The following TLE1 variants were observed in gnomAD, a reference collection of about 807,000 sequenced individuals.
The protein encoded by TLE1 is transducin-like enhancer protein 1.
TLE1 carries 21 observed loss-of-function variants against 89.8 expected under a neutral mutation model. The observed-to-expected ratio is 0.23, with a 90% CI of 0.17 to 0.34. TLE1 has a LOEUF of 0.34. Ranked by LOEUF, TLE1 falls within the 10% of genes least tolerant of loss-of-function variation. TLE1 has a pLI of 1.00. For missense variants in TLE1, 795 were observed against 1,031.2 expected, an observed-to-expected ratio of 0.77 and a Z score of 3.14; for synonymous variants, 447 against 407.6, an observed-to-expected ratio of 1.10 and a Z score of -1.16.
intron 8 of TLE1, among the ~76,000 whole-genome samples, chr9:81,630,150 G>C (rs145897600): frequency 2.9e-4 from 44 of 151,542 alleles, no homozygotes; most frequent in African/African-American, 1.0e-3. Flanking sequence ...AAAAAAAACA[G>C]TAAGGAGTTC....
intron 8 of TLE1, chr9:81,620,955 TG>T (rs1563981886): frequency 2.0e-6 from 1 of 508,190 alleles, no homozygotes; most frequent in Middle Eastern, 3.2e-4. Context: ...ATTCTTTAAC[TG>T]TAAGAGTCAA....
intron 4 of TLE1, among the ~76,000 whole-genome samples, chr9:81,680,933 AAAAAAAAAC>A (rs1199060415): frequency 6.6e-5 from 10 of 150,862 alleles, no homozygotes; most frequent in African/African-American, 1.9e-4. Context: ...CAGGGTTAAA[AAAAAAAAAC>A]AAAAAAAACA....
At chr9:81,663,989 A>G (rs1831152295) in intron 4 of TLE1, among the ~76,000 whole-genome samples, 1 of 152,130 alleles carries the variant, frequency 6.6e-6, no homozygotes, top group African/African-American at 2.4e-5. Context: ...AGTTGCAGCC[A>G]AACTCCACTT....
chr9:81,590,619 A>G (rs1483085671), intron 16 of TLE1, among the ~76,000 whole-genome samples, 186 bp downstream of exon 16: 1 of 152,256 alleles, frequency 6.6e-6, no homozygotes, highest in East Asian at 1.9e-4. Context: ...CACCAGGCAT[A>G]GTAATAAGAC....
chr9:81,674,035 G>A (rs1397399849), intron 4 of TLE1, among the ~76,000 whole-genome samples: 1 of 151,946 alleles, frequency 6.6e-6, no homozygotes, highest in Non-Finnish European at 1.5e-5. Flanking sequence ...CTAATCCATA[G>A]AGGCCTTTCA....
At chr9:81,600,002 T>C (rs1336525656) in intron 14 of TLE1, 1 of 648,092 alleles carries the variant, frequency 1.5e-6, no homozygotes, top group Non-Finnish European at 2.9e-6. Context: ...AGTTGATAAA[T>C]GAGGAAGTAT....
chr9:81,627,993 A>C (rs1293817977), intron 8 of TLE1, among the ~76,000 whole-genome samples: 3 of 152,208 alleles, frequency 2.0e-5, no homozygotes. Flanking sequence ...CCAAGGTGGG[A>C]GAATCACTTG....
At chr9:81,632,920 A>G (rs1175915536) in intron 8 of TLE1, among the ~76,000 whole-genome samples, 3 of 152,222 alleles carry the variant, frequency 2.0e-5, no homozygotes, top group South Asian at 4.1e-4. Context: ...TTACTAACCA[A>G]CTTCACAAAG....
At chr9:81,638,214 T>C (rs2132424138) in intron 6 of TLE1, among the ~76,000 whole-genome samples, 1 of 152,324 alleles carries the variant, frequency 6.6e-6, no homozygotes, top group South Asian at 2.1e-4. Flanking sequence ...CCCTTCTCAA[T>C]GCCTGTCCTA....
chr9:81,587,667 A>T lies in TLE1; in HGVS notation c.1977+14T>A. 3 of 1,604,860 alleles carry T rather than the reference A, an allele frequency of 1.9e-6. No homozygotes were observed. The African/African-American group carries it at 4.0e-5, about 21-fold the overall frequency. ...CCTCCCAGACTCCAGGGCAGGCGGA[A>T]GCCACTCAGTCACCTGGGAGGTGAA... On this transcript the variant is annotated intron_variant, in intron 17 of 19. Transcript: ENST00000376499.
intron 8 of TLE1, among the ~76,000 whole-genome samples, chr9:81,629,225 CTTT>C (rs1588035298): frequency 1.3e-5 from 2 of 152,212 alleles, no homozygotes; most frequent in Admixed American, 6.5e-5. Flanking sequence ...AACCATACAA[CTTT>C]TTGTCAATTA....
At chr9:81,647,299 C>T (rs1465778736) in intron 6 of TLE1, among the ~76,000 whole-genome samples, 1 of 152,204 alleles carries the variant, frequency 6.6e-6, no homozygotes. Context: ...ACACTATCTG[C>T]CTTATTCTTT....
At chr9:81,612,894 C>A (rs1823898045) in intron 12 of TLE1, among the ~76,000 whole-genome samples, 1 of 152,182 alleles carries the variant, frequency 6.6e-6, no homozygotes, top group Non-Finnish European at 1.5e-5. Flanking sequence ...CCCGTCTCTA[C>A]TAAAAATACA....
At chr9:81,617,696 T>C (rs934431928) in intron 9 of TLE1, among the ~76,000 whole-genome samples, 14 of 151,372 alleles carry the variant, frequency 9.2e-5, no homozygotes, top group Non-Finnish European at 2.9e-5. Context: ...AGCAAGACTC[T>C]GTCACAAAAA....
chr9:81,588,478 G>A (rs949075444), intron 16 of TLE1, among the ~76,000 whole-genome samples: 1 of 152,150 alleles, frequency 6.6e-6, no homozygotes, highest in Non-Finnish European at 1.5e-5. Context: ...GAGGCATTGG[G>A]CAGAGACACA....
At chr9:81,680,588 C>A (rs1452375914) in intron 4 of TLE1, among the ~76,000 whole-genome samples, 4 of 152,146 alleles carry the variant, frequency 2.6e-5, no homozygotes, top group Non-Finnish European at 4.4e-5. Context: ...CAGCCACTGG[C>A]CCACTGCTGA....
chr9:81,596,855 C>T (rs1432209749), intron 14 of TLE1, among the ~76,000 whole-genome samples: 1 of 152,160 alleles, frequency 6.6e-6, no homozygotes, highest in African/African-American at 2.4e-5. Context: ...CAGGTGGCTG[C>T]CTTTGGTGAA....
intron 14 of TLE1, among the ~76,000 whole-genome samples, chr9:81,595,396 G>GA (rs1335892916): frequency 1.3e-5 from 2 of 152,276 alleles, no homozygotes; most frequent in African/African-American, 4.8e-5. Flanking sequence ...AGGCTTTGAA[G>GA]AATGCTCAAC....
chr9:81,612,142 CA>C (rs1823799633), intron 12 of TLE1, 183 bp from the exon 13 acceptor site: 1 of 585,732 alleles, frequency 1.7e-6, no homozygotes, highest in Admixed American at 4.4e-5. Flanking sequence ...AGAGCGAATG[CA>C]TCTCCAGGAA....
Sources: allele counts gnomAD v4.1 joint callset (sites outside exome capture counted in the v4.1 genomes callset), GRCh38; gene constraint gnomAD v4.1.1; transcripts MANE v1.5; gene names NCBI Gene and HGNC (gene_info 2026-07-23, HGNC 2026-07-21).